CTNNA3: variants seen among roughly 807,000 people sequenced by gnomAD.
CTNNA3 encodes catenin alpha-3.
Under a neutral mutation model 95.7 loss-of-function variants are expected in CTNNA3, and 76 were observed. That is an observed-to-expected ratio of 0.79 (90% confidence interval 0.66 to 0.96). The LOEUF is 0.96. CTNNA3 is among the 40% of genes least tolerant of loss of function. CTNNA3 has a pLI of 0.00. For missense variants in CTNNA3, 1,191 were observed against 1,089.8 expected (o/e 1.09, Z -1.31); for synonymous variants, 431 against 374.4 (o/e 1.15, Z -1.74).
chr10:67,745,835 G>T (rs1841372400), intron 1 of CTNNA3, among the ~76,000 whole-genome samples: 1 of 151,734 alleles, frequency 6.6e-6, no homozygotes, highest in Non-Finnish European at 1.5e-5. Flanking sequence ...TGTCTACAAA[G>T]AATACAAAAT....
chr10:67,713,732 C>A (rs1189719023), intron 1 of CTNNA3, among the ~76,000 whole-genome samples: 1 of 151,958 alleles, frequency 6.6e-6, no homozygotes, highest in Admixed American at 6.6e-5. Context: ...GGGAGTTGAA[C>A]AATGAAAATA....
intron 5 of CTNNA3, among the ~76,000 whole-genome samples, chr10:67,245,277 T>C (rs540835203): frequency 1.3e-5 from 2 of 152,194 alleles, no homozygotes; most frequent in Non-Finnish European, 2.9e-5. Context: ...CCTCCCCTGG[T>C]CACCCTGTCT....
intron 7 of CTNNA3, among the ~76,000 whole-genome samples, chr10:67,007,616 T>G (rs1852073684): frequency 6.6e-6 from 1 of 152,104 alleles, no homozygotes; most frequent in Non-Finnish European, 1.5e-5. Flanking sequence ...AAGGCTTTTT[T>G]CTGAAACCCT....
intron 5 of CTNNA3, among the ~76,000 whole-genome samples, chr10:67,261,452 T>A (rs1257056451): frequency 1.3e-5 from 2 of 152,172 alleles, no homozygotes; most frequent in Non-Finnish European, 2.9e-5. Flanking sequence ...AACACTGTGG[T>A]TGCCAAGAGT....
intron 9 of CTNNA3, among the ~76,000 whole-genome samples, chr10:66,738,911 T>C (rs1416770993): frequency 2.0e-5 from 3 of 152,206 alleles, no homozygotes; most frequent in African/African-American, 7.2e-5. Flanking sequence ...ATAAATGTGT[T>C]GTGTGGTTTT....
intron 9 of CTNNA3, among the ~76,000 whole-genome samples, chr10:66,722,393 T>C (rs1480312138): frequency 7.1e-6 from 1 of 141,586 alleles, no homozygotes; most frequent in Non-Finnish European, 1.5e-5. Context: ...AAAAAAAAAA[T>C]GCTAAACTGT....
chr10:67,134,500 C>T (rs1207725187), intron 7 of CTNNA3, among the ~76,000 whole-genome samples: 1 of 152,002 alleles, frequency 6.6e-6, no homozygotes, highest in Non-Finnish European at 1.5e-5. Flanking sequence ...TCTCACAAAC[C>T]CTCTCATTAA....
chr10:66,160,788 C>G lies in CTNNA3; in HGVS notation c.1885-57539G>C, dbSNP rs188740550. On this transcript the variant is annotated intron_variant, in intron 13 of 17. Coordinates refer to ENST00000433211, the MANE Select transcript of CTNNA3 (RefSeq NM_013266.4). ...GTGCTGTCAGTGGAGTACTAAAGTC[C>G]CCCACTATTACTGTGTTCTGTCTAT... 7.2e-5 allele frequency among the ~76,000 whole-genome samples: 11 copies of G among 151,966 alleles called. No individual in the cohort carries two copies. The East Asian group carries it at 1.9e-3, about 27-fold the overall frequency.
intron 13 of CTNNA3, among the ~76,000 whole-genome samples, chr10:66,187,334 C>A (rs1264845789): frequency 1.3e-5 from 2 of 150,522 alleles, no homozygotes; most frequent in African/African-American, 4.9e-5. Context: ...AACAAGGCAA[C>A]CACAAAAAAG....
chr10:66,742,234 C>T (rs1263300691), intron 9 of CTNNA3, among the ~76,000 whole-genome samples: 3 of 152,200 alleles, frequency 2.0e-5, no homozygotes, highest in South Asian at 2.1e-4. Context: ...CTTTTATGGT[C>T]GTAGCTGTGG....
intron 11 of CTNNA3, among the ~76,000 whole-genome samples, chr10:66,420,118 T>C (rs1423223811): frequency 1.3e-5 from 2 of 152,044 alleles, no homozygotes; most frequent in African/African-American, 4.8e-5. Context: ...TGGGAGAAAA[T>C]ACTTCAAACT....
At chr10:66,790,341 C>T (rs760048727) in intron 7 of CTNNA3, among the ~76,000 whole-genome samples, 26 of 151,952 alleles carry the variant, frequency 1.7e-4, no homozygotes, top group Non-Finnish European at 2.6e-4. Flanking sequence ...CCCAGCTACT[C>T]GGGAGACTGA....
chr10:66,646,067 T>C (rs1158854992), intron 9 of CTNNA3, among the ~76,000 whole-genome samples: 1 of 152,202 alleles, frequency 6.6e-6, no homozygotes, highest in African/African-American at 2.4e-5. Context: ...CCACATGCAT[T>C]TATATTTCCA....
chr10:66,760,300 C>T (rs749420886), intron 9 of CTNNA3, among the ~76,000 whole-genome samples: 9 of 152,096 alleles, frequency 5.9e-5, no homozygotes, highest in African/African-American at 1.4e-4. Flanking sequence ...ACCCGTGCAG[C>T]CTGATAATCA....
chr10:66,662,185 A>G (rs1242552463), intron 9 of CTNNA3, among the ~76,000 whole-genome samples: 1 of 152,204 alleles, frequency 6.6e-6, no homozygotes, highest in Non-Finnish European at 1.5e-5. Context: ...TGGGGAAAAT[A>G]CATTCTACTA....
chr10:66,843,343 T>C (rs1292544721), intron 7 of CTNNA3, among the ~76,000 whole-genome samples: 1 of 152,152 alleles, frequency 6.6e-6, no homozygotes, highest in Non-Finnish European at 1.5e-5. Flanking sequence ...AAGTTTGAGA[T>C]GAACAACTGG....
intron 7 of CTNNA3, among the ~76,000 whole-genome samples, chr10:67,142,975 A>T (rs1264459343): frequency 6.6e-6 from 1 of 151,992 alleles, no homozygotes; most frequent in Admixed American, 6.5e-5. Context: ...AAATCATCTG[A>T]GCCTTTAGTG....
At chr10:67,306,465 C>T (rs1416256346) in intron 5 of CTNNA3, among the ~76,000 whole-genome samples, 1 of 152,144 alleles carries the variant, frequency 6.6e-6, no homozygotes, top group East Asian at 1.9e-4. Context: ...CTCTCAGGTA[C>T]ACACTGCCTG....
At chr10:66,018,310 T>C (rs1461607674) in intron 15 of CTNNA3, among the ~76,000 whole-genome samples, 2 of 152,120 alleles carry the variant, frequency 1.3e-5, no homozygotes, top group Admixed American at 6.6e-5. Flanking sequence ...TATTCACTGC[T>C]TTTTAGTTTA....
Sources: allele counts gnomAD v4.1 joint callset (sites outside exome capture counted in the v4.1 genomes callset), GRCh38; gene constraint gnomAD v4.1.1; transcripts MANE v1.5; gene names NCBI Gene and HGNC (gene_info 2026-07-23, HGNC 2026-07-21).